Variants in SRPK2 observed in about 807,000 individuals in gnomAD.
SRPK2 encodes SFRS protein kinase 2.
A neutral mutation model predicts 90.8 loss-of-function variants in SRPK2; 21 were observed. The observed-to-expected ratio is 0.23, with a 90% CI of 0.16 to 0.33. The LOEUF (loss-of-function observed/expected upper bound fraction) is 0.33. Among genes scored for constraint, SRPK2 ranks in the 10% least tolerant of loss-of-function variants. The pLI is 1.00. For synonymous variants in SRPK2, 288 were observed against 311.1 expected (o/e 0.93, Z 0.78); for missense variants, 620 against 869.0 (o/e 0.71, Z 3.60).
intron 2 of SRPK2, among the ~76,000 whole-genome samples, chr7:105,301,290 A>G (rs898937819): frequency 4.0e-5 from 6 of 149,294 alleles, no homozygotes; most frequent in African/African-American, 1.5e-4. Context: ...AAAATACAAA[A>G]AAAAAAAAAA....
chr7:105,238,752 GT>G (rs869166149), intron 2 of SRPK2, among the ~76,000 whole-genome samples: 1 of 48,990 alleles, frequency 2.0e-5, no homozygotes, highest in Admixed American at 1.8e-4. Context: ...CTGAAAATTT[GT>G]TCTGTGTTTT....
intron 2 of SRPK2, chr7:105,205,947 ATT>A (rs1563081456): frequency 7.7e-6 from 4 of 518,906 alleles, no homozygotes; most frequent in Middle Eastern, 3.2e-4. Flanking sequence ...ACACACACAC[ATT>A]GAGTTTGCTG....
intron 7 of SRPK2, 131 bp downstream of exon 7, chr7:105,160,376 T>C (rs1231989572): frequency 2.0e-6 from 1 of 498,770 alleles, no homozygotes. Context: ...GATACATATG[T>C]AACATACATA....
At chr7:105,274,336 CG>C (rs1411477216) in intron 2 of SRPK2, among the ~76,000 whole-genome samples, 1 of 152,022 alleles carries the variant, frequency 6.6e-6, no homozygotes, top group Non-Finnish European at 1.5e-5. Context: ...CCCACGTGGG[CG>C]GATCATTTGA....
intron 2 of SRPK2, among the ~76,000 whole-genome samples, chr7:105,273,431 CTTT>C (rs11284964): frequency 1.4e-5 from 2 of 140,410 alleles, no homozygotes; most frequent in African/African-American, 2.6e-5. Context: ...TTCTTTTTTT[CTTT>C]TTTTTTTTTG....
rs538285797 is a variant in SRPK2 at position 105,163,612 on chromosome 7, T to C, written c.515-2999A>G. ...GAATTCGAGACCAGCCTGACCCACA[T>C]GGAGAAATCCCGTCTCTAAAAAAAT... On this transcript the variant is annotated intron_variant, in intron 6 of 15. Transcript: ENST00000393651. Among the ~76,000 whole-genome samples the C allele has an allele frequency of 4.6e-5, 7 of 152,100 alleles. No homozygotes were observed. The South Asian group carries it at 8.3e-4, about 18-fold the overall frequency.
intron 2 of SRPK2, among the ~76,000 whole-genome samples, chr7:105,295,544 C>A (rs1288891596): frequency 6.6e-6 from 1 of 152,102 alleles, no homozygotes; most frequent in African/African-American, 2.4e-5. Context: ...TTGTTTAACT[C>A]TGCTTATATG....
chr7:105,389,565 A>T (rs1474843433), upstream of SRPK2, among the ~76,000 whole-genome samples: 1 of 152,232 alleles, frequency 6.6e-6, no homozygotes, highest in Non-Finnish European at 1.5e-5. Flanking sequence ...GGTTTTGCAC[A>T]TGAATTGAAA....
chr7:105,288,982 T>G (rs1000272674), intron 2 of SRPK2, among the ~76,000 whole-genome samples: 1 of 151,052 alleles, frequency 6.6e-6, no homozygotes. Context: ...TCCAGCCAGG[T>G]GCGGAGGCTC....
At chr7:105,170,745 G>GAGGAAGGAAGGAAGGAAGGC (rs1790721441) in intron 3 of SRPK2, among the ~76,000 whole-genome samples, 1 of 45,538 alleles carries the variant, frequency 2.2e-5, no homozygotes, top group Non-Finnish European at 3.8e-5. Context: ...GGAAGAAAGG[G>GAGGAAGGAAGGAAGGAAGGC]AGGAAGGAAG....
intron 3 of SRPK2, among the ~76,000 whole-genome samples, chr7:105,174,265 C>T (rs1265934080): frequency 6.6e-6 from 1 of 152,108 alleles, no homozygotes; most frequent in African/African-American, 2.4e-5. Context: ...AATTTTAAAA[C>T]TCTCCTTTTT....
rs545491762 is a variant in SRPK2, at chr7:105,294,510, T to C, written c.72-90725A>G. Reference sequence around the variant, plus strand: ...GGATCTTTCTTTTTTGTTGTTGCTGTTTTTTTGTTTTGTTTTGTTTTGTTT... The same window carrying C: ...GGATCTTTCTTTTTTGTTGTTGCTGCTTTTTTGTTTTGTTTTGTTTTGTTT... On this transcript the variant is annotated intron_variant, in intron 2 of 15. Transcript: ENST00000393651. 2.4e-3 allele frequency among the ~76,000 whole-genome samples: 222 copies of C among 92,540 alleles called. 5 individuals carry two copies. In the East Asian group the frequency reaches 0.062, roughly 26 times the overall value. The allele number at this position is 92,540 out of a possible 152,430, so 60.7% of individuals were successfully genotyped here.
At chr7:105,306,787 G>C (rs1044189767) in intron 2 of SRPK2, 6 of 200,338 alleles carry the variant, frequency 3.0e-5, no homozygotes, top group Admixed American at 1.1e-4. Context: ...AGAATTAAAA[G>C]TAAAACACTA....
chr7:105,178,120 T>C (rs927600210), intron 3 of SRPK2, among the ~76,000 whole-genome samples: 1 of 151,566 alleles, frequency 6.6e-6, no homozygotes, highest in Admixed American at 6.6e-5. Context: ...CTGTAGGTGA[T>C]ATCAATAAAA....
intron 2 of SRPK2, among the ~76,000 whole-genome samples, chr7:105,380,224 C>T (rs1014160841): frequency 6.6e-6 from 1 of 152,118 alleles, no homozygotes; most frequent in African/African-American, 2.4e-5. Context: ...CTCTATCTCC[C>T]GTGTTCAAGC....
intron 2 of SRPK2, among the ~76,000 whole-genome samples, chr7:105,350,739 C>T (rs1817074721): frequency 6.6e-6 from 1 of 150,968 alleles, no homozygotes; most frequent in East Asian, 2.0e-4. Context: ...CCAGGCTGGT[C>T]TCCAACTCCT....
At chr7:105,308,614 C>T (rs1811383996) in intron 2 of SRPK2, among the ~76,000 whole-genome samples, 1 of 152,152 alleles carries the variant, frequency 6.6e-6, no homozygotes, top group African/African-American at 2.4e-5. Context: ...ACCACTTCTG[C>T]AGTTCCTAAA....
At chr7:105,239,784 A>G (rs1800577494) in intron 2 of SRPK2, among the ~76,000 whole-genome samples, 2 of 152,224 alleles carry the variant, frequency 1.3e-5, no homozygotes, top group African/African-American at 2.4e-5. Context: ...TGATAAGAAT[A>G]AGAAAGCCAA....
At chr7:105,344,480 C>G (rs1388404395) in intron 2 of SRPK2, among the ~76,000 whole-genome samples, 2 of 139,728 alleles carry the variant, frequency 1.4e-5, no homozygotes, top group African/African-American at 5.3e-5. Flanking sequence ...TCTCAAATTC[C>G]TGGTTTCAAG....
Sources: allele counts gnomAD v4.1 joint callset (sites outside exome capture counted in the v4.1 genomes callset), GRCh38; gene constraint gnomAD v4.1.1; transcripts MANE v1.5; gene names NCBI Gene and HGNC (gene_info 2026-07-23, HGNC 2026-07-21).